The following SEL1L3 variants were observed in gnomAD, a reference collection of about 807,000 sequenced individuals.
SEL1L3 encodes protein sel-1 homolog 3.
SEL1L3 carries 76 observed loss-of-function variants against 142.8 expected under a neutral mutation model. The observed-to-expected ratio is 0.53, with a 90% CI of 0.44 to 0.64. The LOEUF (loss-of-function observed/expected upper bound fraction) is 0.64, where lower values mean the gene tolerates loss of function less well. Ranked by LOEUF, SEL1L3 falls within the 30% of genes least tolerant of loss-of-function variation. The pLI, the probability that SEL1L3 is intolerant of heterozygous loss-of-function variation, is 0.00. For missense variants in SEL1L3, 1,262 were observed against 1,381.7 expected (o/e 0.91, Z 1.37); for synonymous variants, 504 against 519.6 (o/e 0.97, Z 0.41).
intron 9 of SEL1L3, among the ~76,000 whole-genome samples, chr4:25,817,748 CT>C (rs144344000): frequency 6.6e-6 from 1 of 151,546 alleles, no homozygotes; most frequent in Non-Finnish European, 1.5e-5. Context: ...TTTTTTTCTT[CT>C]TTTTTTTTAA....
intron 1 of SEL1L3, among the ~76,000 whole-genome samples, chr4:25,857,965 C>T (rs1473151803): frequency 6.6e-6 from 1 of 152,264 alleles, no homozygotes; most frequent in African/African-American, 2.4e-5. Context: ...AGCCCTTCTC[C>T]AGGTAGAGAC....
intron 9 of SEL1L3, among the ~76,000 whole-genome samples, chr4:25,805,472 A>G (rs1336549464): frequency 6.6e-6 from 1 of 152,224 alleles, no homozygotes; most frequent in Non-Finnish European, 1.5e-5. Flanking sequence ...CACTAAAGCC[A>G]GAGTTCACAG....
chr4:25,771,021 A>G (rs1719143041), intron 17 of SEL1L3, among the ~76,000 whole-genome samples: 1 of 152,222 alleles, frequency 6.6e-6, no homozygotes, highest in African/African-American at 2.4e-5. Context: ...GCTTATTAAA[A>G]CTTCTGAGAC....
chr4:25,828,305 A>T (rs558230329), intron 6 of SEL1L3, among the ~76,000 whole-genome samples: 15 of 151,726 alleles, frequency 9.9e-5, no homozygotes, highest in Admixed American at 3.9e-4. Context: ...TTTTTTTTTA[A>T]TTTTTTTTAG....
intron 17 of SEL1L3, among the ~76,000 whole-genome samples, chr4:25,770,739 C>CAAAAAAA (rs57317400): frequency 7.2e-5 from 7 of 97,374 alleles, no homozygotes; most frequent in Admixed American, 1.1e-4. Flanking sequence ...GACTCTGTCT[C>CAAAAAAA]AAAAAAAAAA....
chr4:25,716,215 C>T, the SEL1L3 span, among the ~76,000 whole-genome samples: 206 of 151,834 alleles, frequency 1.4e-3, no homozygotes, highest in African/African-American at 4.8e-3. Flanking sequence ...AAAATATGAT[C>T]AAAACACTCA....
At chr4:25,778,099 C>T (rs927585253) in intron 16 of SEL1L3, among the ~76,000 whole-genome samples, 2 of 152,058 alleles carry the variant, frequency 1.3e-5, no homozygotes, top group African/African-American at 4.8e-5. Context: ...TCTGCAAGAC[C>T]TCAAAAATGT....
intron 17 of SEL1L3, among the ~76,000 whole-genome samples, chr4:25,769,785 C>T (rs189337641): frequency 3.3e-5 from 5 of 152,144 alleles, no homozygotes; most frequent in Admixed American, 2.0e-4. Flanking sequence ...GCCCTCTAAC[C>T]GTAACTGGCT....
At chr4:25,741,087 A>G in the SEL1L3 span, among the ~76,000 whole-genome samples, 3 of 145,756 alleles carry the variant, frequency 2.1e-5, no homozygotes, top group East Asian at 4.1e-4. Flanking sequence ...ACCTGGCCAT[A>G]TTACCTATAT....
chr4:25,777,619 G>T, intron 16 of SEL1L3: 1 of 331,122 alleles, frequency 3.0e-6, no homozygotes, highest in Non-Finnish European at 5.9e-6. Flanking sequence ...AAATTTCAAA[G>T]GATTGGAATC....
At chr4:25,840,377 C>T (rs78393429) in intron 2 of SEL1L3, among the ~76,000 whole-genome samples, 3,689 of 152,058 alleles carry the variant, frequency 0.024, 158 homozygotes, top group African/African-American at 0.084. Context: ...CTTGAATAGT[C>T]CTGCTGCATA....
chr4:25,792,082 C>T (rs781643721), intron 11 of SEL1L3, among the ~76,000 whole-genome samples: 1 of 152,098 alleles, frequency 6.6e-6, no homozygotes, highest in Non-Finnish European at 1.5e-5. Flanking sequence ...CAGCCAGCAG[C>T]CATTCCTGCT....
the SEL1L3 span, among the ~76,000 whole-genome samples, chr4:25,723,777 T>A: frequency 6.6e-6 from 1 of 152,150 alleles, no homozygotes; most frequent in Non-Finnish European, 1.5e-5. Flanking sequence ...AAGTTCAGGC[T>A]CAGCACCTAT....
chr4:25,735,605 T>A, the SEL1L3 span, among the ~76,000 whole-genome samples: 1 of 151,898 alleles, frequency 6.6e-6, no homozygotes, highest in African/African-American at 2.4e-5. Flanking sequence ...TGGTGGACGT[T>A]GTATCATTGA....
At chr4:25,844,310 GGA>G (rs1716373544) in intron 2 of SEL1L3, among the ~76,000 whole-genome samples, 1 of 152,198 alleles carries the variant, frequency 6.6e-6, no homozygotes, top group Non-Finnish European at 1.5e-5. Flanking sequence ...TCTGTCTTTT[GGA>G]GAAGGAAGAA....
At chr4:25,842,739 T>C (rs1356102854) in intron 2 of SEL1L3, among the ~76,000 whole-genome samples, 1 of 152,250 alleles carries the variant, frequency 6.6e-6, no homozygotes, top group East Asian at 1.9e-4. Flanking sequence ...CAAGTAGTCA[T>C]GAGTGCAGGG....
At chr4:25,767,965 A>C in intron 17 of SEL1L3, 135 bp from the exon 18 acceptor site, 1 of 620,508 alleles carries the variant, frequency 1.6e-6, no homozygotes, top group Non-Finnish European at 2.8e-6. Context: ...GAGTTTTTTT[A>C]AAAATAAATA....
chr4:25,767,473 A>G (rs1718824607), intron 19 of SEL1L3, 52 bp downstream of exon 19: 1 of 934,374 alleles, frequency 1.1e-6, no homozygotes, highest in Non-Finnish European at 1.7e-6. Context: ...CCCTGTTACT[A>G]AAGATTAAAA....
the SEL1L3 span, among the ~76,000 whole-genome samples, chr4:25,732,570 C>T: frequency 6.6e-6 from 1 of 152,136 alleles, no homozygotes; most frequent in African/African-American, 2.4e-5. Flanking sequence ...TTTTAATTTT[C>T]ATTGAATGAT....
Sources: gnomAD v4.1 joint callset for allele counts (sites outside exome capture counted in the v4.1 genomes callset) on GRCh38, gnomAD v4.1.1 for gene constraint, MANE v1.5 for transcripts, NCBI Gene and HGNC (gene_info 2026-07-23, HGNC 2026-07-21) for gene names.